The following SUSD5 variants were observed in gnomAD, a reference collection of about 807,000 sequenced individuals.
SUSD5 encodes the protein sushi domain-containing protein 5.
Under a neutral mutation model 29.5 loss-of-function variants are expected in SUSD5, and 33 were observed. The ratio of observed to expected loss-of-function variants is 1.12; its 90% CI spans 0.85 to 1.49. The LOEUF (loss-of-function observed/expected upper bound fraction) is 1.49, where lower values mean the gene tolerates loss of function less well. Among genes scored for constraint, SUSD5 ranks in the 40% most tolerant of loss-of-function variants. SUSD5 has a pLI of 0.00. For missense variants in SUSD5, 776 were observed against 800.6 expected, an observed-to-expected ratio of 0.97 and a Z score of 0.37; for synonymous variants, 308 against 325.3, an observed-to-expected ratio of 0.95 and a Z score of 0.57.
chr3:33,166,762 A>G (rs145473009), intron 4 of SUSD5, among the ~76,000 whole-genome samples: 1 of 152,376 alleles, frequency 6.6e-6, no homozygotes, highest in East Asian at 1.9e-4. Context: ...AGCTTGATGC[A>G]GTCTGGAAGT....
chr3:33,185,802 T>C (rs879933793), intron 3 of SUSD5, among the ~76,000 whole-genome samples: 2 of 152,210 alleles, frequency 1.3e-5, no homozygotes, highest in Non-Finnish European at 2.9e-5. Flanking sequence ...TATTTAATCA[T>C]TAGACAGATA....
intron 2 of SUSD5, 107 bp from the exon 3 acceptor site, chr3:33,208,033 T>G (rs1001975721): frequency 7.7e-6 from 6 of 778,996 alleles, no homozygotes; most frequent in Non-Finnish European, 1.3e-5. Flanking sequence ...TTTTTCTGAT[T>G]CATGAGCTCT....
Position 33,204,310 on chromosome 3 carries a change from TTTTGTTTGTTTG to T in SUSD5, c.409+3486_409+3497del, listed in dbSNP as rs375549892. ...AAGCCACCATGCCCAGCCTGAGCTT[TTTTGTTTGTTTG>T]TTTGTTTGTTTGTTTTTTGAGACAG... On this transcript the variant is annotated intron_variant, in intron 3 of 4. Transcript: ENST00000309558. This position sits in a 1 kb window ranked among gnomAD's most constrained non-coding sequence, Gnocchi z 4.5. Among the ~76,000 whole-genome samples, 3 of 151,744 alleles carry T rather than the reference TTTTGTTTGTTTG, an allele frequency of 2.0e-5. No homozygotes were observed. Among genetic ancestry groups the T allele is most frequent in the Non-Finnish European group, 2.9e-5 (2 of 67,966 alleles).
intron 4 of SUSD5, among the ~76,000 whole-genome samples, chr3:33,173,421 A>G (rs2031476733): frequency 1.3e-5 from 2 of 152,252 alleles, no homozygotes; most frequent in South Asian, 4.1e-4. Context: ...AAGGACAATT[A>G]TAGCAGCATA....
chr3:33,202,267 A>C (rs1356702665), intron 3 of SUSD5, among the ~76,000 whole-genome samples: 1 of 152,134 alleles, frequency 6.6e-6, no homozygotes, highest in Non-Finnish European at 1.5e-5. Context: ...AATGCAATTA[A>C]TTGGTTCCAA....
chr3:33,171,378 G>T (rs1317755686), intron 4 of SUSD5, among the ~76,000 whole-genome samples: 1 of 151,890 alleles, frequency 6.6e-6, no homozygotes, highest in African/African-American at 2.4e-5. Context: ...GCAAATTAAG[G>T]CTCAGAAAAG....
chr3:33,198,781 A>G (rs2032044462), intron 3 of SUSD5, among the ~76,000 whole-genome samples: 1 of 152,202 alleles, frequency 6.6e-6, no homozygotes, highest in Non-Finnish European at 1.5e-5. Context: ...TCCCAGACCC[A>G]TAACACCAGG....
At chr3:33,218,511 G>A (rs1314076485) in intron 1 of SUSD5, among the ~76,000 whole-genome samples, 175 bp downstream of exon 1, 1 of 152,176 alleles carries the variant, frequency 6.6e-6, no homozygotes, top group Non-Finnish European at 1.5e-5. Context: ...GGCACGCGGA[G>A]ACTTGGTGGG....
intron 2 of SUSD5, among the ~76,000 whole-genome samples, chr3:33,213,052 C>T (rs1302503642): frequency 6.6e-6 from 1 of 152,040 alleles, no homozygotes; most frequent in East Asian, 1.9e-4. Flanking sequence ...TAACTTTGTA[C>T]TTTATATATA....
chr3:33,184,173 T>C (rs13068183), intron 3 of SUSD5, among the ~76,000 whole-genome samples: 39,861 of 151,526 alleles, frequency 0.26, 5,531 homozygotes, highest in East Asian at 0.43. Context: ...CTCCTGACCT[T>C]AGGTGATCTG....
chr3:33,216,385 C>A (rs1228583716), intron 1 of SUSD5, among the ~76,000 whole-genome samples: 1 of 152,048 alleles, frequency 6.6e-6, no homozygotes, highest in Non-Finnish European at 1.5e-5. Flanking sequence ...TGATCTCACA[C>A]CAAAACAAAC....
At chr3:33,210,040 C>T (rs545759680) in intron 2 of SUSD5, among the ~76,000 whole-genome samples, 17 of 152,274 alleles carry the variant, frequency 1.1e-4, no homozygotes, top group African/African-American at 4.1e-4. Flanking sequence ...ATTGTTTCTT[C>T]TGAATTTTAT....
intron 4 of SUSD5, among the ~76,000 whole-genome samples, chr3:33,166,012 C>A (rs1467315246): frequency 8.1e-3 from 960 of 118,500 alleles, no homozygotes; most frequent in Non-Finnish European, 8.5e-3. Context: ...CCCCCCTCTC[C>A]AAAAAAAAAA....
intron 3 of SUSD5, among the ~76,000 whole-genome samples, chr3:33,187,462 A>G (rs146829645): frequency 6.6e-6 from 1 of 152,320 alleles, no homozygotes; most frequent in East Asian, 1.9e-4. Context: ...CCAGTACAAC[A>G]GTGCTATGCG....
intron 3 of SUSD5, among the ~76,000 whole-genome samples, chr3:33,195,111 C>T (rs2031970884): frequency 6.6e-6 from 1 of 152,146 alleles, no homozygotes; most frequent in African/African-American, 2.4e-5. Flanking sequence ...AGGAGAATCG[C>T]TTGAACCCAG....
chr3:33,213,581 C>G (rs1006024819), intron 2 of SUSD5, among the ~76,000 whole-genome samples: 1 of 152,110 alleles, frequency 6.6e-6, no homozygotes, highest in Non-Finnish European at 1.5e-5. Context: ...CGAGATCAGC[C>G]TGGCCAATAT....
At chr3:33,183,077 G>T (rs891565786) in intron 3 of SUSD5, among the ~76,000 whole-genome samples, 2 of 152,124 alleles carry the variant, frequency 1.3e-5, no homozygotes, top group African/African-American at 4.8e-5. Flanking sequence ...TTACAGGCGT[G>T]AGCCACCACA....
At chr3:33,154,410 C>G (rs1364834755) in intron 4 of SUSD5, among the ~76,000 whole-genome samples, 6 of 152,108 alleles carry the variant, frequency 3.9e-5, no homozygotes, top group Non-Finnish European at 7.3e-5. Context: ...GTAATCCCAG[C>G]TACTCAGGAG....
chr3:33,169,571 T>C (rs1181444949), intron 4 of SUSD5, among the ~76,000 whole-genome samples: 1 of 152,172 alleles, frequency 6.6e-6, no homozygotes, highest in African/African-American at 2.4e-5. Context: ...TTAAACCCAA[T>C]AGAGTTGTTG....
Sources: allele counts gnomAD v4.1 joint callset (sites outside exome capture counted in the v4.1 genomes callset), GRCh38; gene constraint gnomAD v4.1.1; non-coding constraint Gnocchi (gnomAD v3.1); transcripts MANE v1.5; gene names NCBI Gene and HGNC (gene_info 2026-07-23, HGNC 2026-07-21).